The following CHD2 variants were observed in gnomAD, a reference collection of about 807,000 sequenced individuals.
CHD2 encodes ATP-dependent chromatin remodeler CHD2.
A neutral mutation model predicts 243.9 loss-of-function variants in CHD2; 28 were observed. The ratio of observed to expected loss-of-function variants is 0.11; its 90% CI spans 0.09 to 0.16. CHD2 has a LOEUF of 0.16. Ranked by LOEUF, CHD2 falls within the 10% of genes least tolerant of loss-of-function variation. The pLI is 1.00. For synonymous variants in CHD2, 775 were observed against 779.0 expected, an observed-to-expected ratio of 0.99 and a Z score of 0.09; for missense variants, 1,386 against 2,209.8, an observed-to-expected ratio of 0.63 and a Z score of 7.47.
At chr15:92,903,588 A>G (rs981312194) in intron 2 of CHD2, among the ~76,000 whole-genome samples, 105 of 152,204 alleles carry the variant, frequency 6.9e-4, no homozygotes, top group African/African-American at 2.5e-3. Flanking sequence ...ACGCGATTTT[A>G]AAAACATTTG....
Position 92,939,666 on chromosome 15 carries a change from G to A in CHD2, c.640G>A (p.Asp214Asn). 4 of 1,614,096 alleles carry A rather than the reference G, an allele frequency of 2.5e-6. No individual in the cohort carries two copies. The highest frequency in any genetic ancestry group is 3.4e-6 in the Non-Finnish European group (4 of 1,180,028). ...AGATTCTTCTGATGAGGATGATGAT[G>A]ATGACGAAGCTCCCAAAAGGCAGAC... is the stretch of plus-strand genomic sequence containing the variant. ...KQDSSDEDDD[D>N]DEAPKRQTRR... Residue 214 changes from aspartate to asparagine, a missense_variant, in exon 7 of 39, where the codon GAT (aspartate) becomes AAT (asparagine). This residue lies in a region of CHD2 where 90 missense variants were observed against 78.0 expected (regional missense o/e 1.15). Transcript: ENST00000394196.
intron 19 of CHD2, among the ~76,000 whole-genome samples, chr15:92,973,388 G>A (rs1295774351): frequency 6.6e-6 from 1 of 151,956 alleles, no homozygotes; most frequent in African/African-American, 2.4e-5. Context: ...TTGTCTCTTG[G>A]CATGTTTATA....
At chr15:92,974,483 C>T (rs2053882078) in intron 19 of CHD2, among the ~76,000 whole-genome samples, 1 of 152,164 alleles carries the variant, frequency 6.6e-6, no homozygotes, top group Non-Finnish European at 1.5e-5. Context: ...AGCTAAGAAG[C>T]ATCATTTTTC....
intron 2 of CHD2, among the ~76,000 whole-genome samples, chr15:92,920,772 A>G (rs1200421545): frequency 6.6e-6 from 1 of 152,226 alleles, no homozygotes; most frequent in East Asian, 1.9e-4. Context: ...GAAAAACTAA[A>G]TACGTTATTT....
chr15:92,956,378 A>C (rs1202542905), intron 15 of CHD2, 81 bp from the exon 16 acceptor site: 1 of 966,250 alleles, frequency 1.0e-6, no homozygotes, highest in African/African-American at 1.6e-5. Context: ...AATGGTATTT[A>C]TACAGAGATA....
At chr15:92,906,025 G>T (rs1173944362) in intron 2 of CHD2, among the ~76,000 whole-genome samples, 1 of 152,144 alleles carries the variant, frequency 6.6e-6, no homozygotes, top group Non-Finnish European at 1.5e-5. Flanking sequence ...AAGAGGATAT[G>T]AACTATTCTG....
At chr15:92,929,416 G>T (rs114601741) in intron 5 of CHD2, among the ~76,000 whole-genome samples, 1 of 152,128 alleles carries the variant, frequency 6.6e-6, no homozygotes, top group African/African-American at 2.4e-5. Flanking sequence ...AAGTACACAG[G>T]TATTTGGTAT....
At position 92,989,310 on chromosome 15, in the gene CHD2, G is replaced by GC. The variant is rs1375738641; in HGVS notation, c.3414-2165dup. ...GCCTCCCAAAGTGCTCGGATTACAG[G>GC]CGTGAGCCACCATGCCCAGCTTACT... On this transcript the variant is annotated intron_variant, in intron 26 of 38. Transcript: ENST00000394196. Among the ~76,000 whole-genome samples the GC allele has an allele frequency of 3.3e-5, 5 of 152,132 alleles. No individual in the cohort carries two copies. The East Asian group carries it at 9.6e-4, about 29-fold the overall frequency.
At chr15:92,921,756 C>T (rs1417463391) in intron 2 of CHD2, among the ~76,000 whole-genome samples, 3 of 152,168 alleles carry the variant, frequency 2.0e-5, no homozygotes, top group African/African-American at 4.8e-5. Context: ...TCATAGCTGC[C>T]ATTAGATGTT....
At chr15:93,000,013 C>A (rs548278505) in intron 31 of CHD2, among the ~76,000 whole-genome samples, 1 of 152,150 alleles carries the variant, frequency 6.6e-6, no homozygotes, top group Non-Finnish European at 1.5e-5. Context: ...AATCCCAGCA[C>A]TTTGGGAGGC....
chr15:92,904,588 G>A (rs2052585322), intron 2 of CHD2: 2 of 1,066,314 alleles, frequency 1.9e-6, no homozygotes, highest in Non-Finnish European at 2.3e-6. Flanking sequence ...TGCCTGTAGC[G>A]GTCCGCACCC....
At chr15:93,010,011 ATCT>A (rs1236662708) in intron 35 of CHD2, among the ~76,000 whole-genome samples, 1 of 152,176 alleles carries the variant, frequency 6.6e-6, no homozygotes, top group African/African-American at 2.4e-5. Flanking sequence ...CCAGTGTGTC[ATCT>A]TCTATCCCTC....
chr15:92,959,800 T>C (rs1187166358), intron 16 of CHD2, among the ~76,000 whole-genome samples: 1 of 152,228 alleles, frequency 6.6e-6, no homozygotes, highest in African/African-American at 2.4e-5. Flanking sequence ...CCTAGACTGC[T>C]TTTTAAAAAT....
At chr15:93,005,353 G>A (rs1266932591) in intron 34 of CHD2, among the ~76,000 whole-genome samples, 4 of 152,086 alleles carry the variant, frequency 2.6e-5, no homozygotes, top group African/African-American at 9.7e-5. Context: ...GATGGGGAGC[G>A]AGTGCATGGA....
intron 28 of CHD2, 181 bp downstream of exon 28, chr15:92,993,179 A>G: frequency 1.7e-6 from 1 of 581,546 alleles, no homozygotes; most frequent in African/African-American, 1.9e-5. Context: ...CTACTCACAA[A>G]TGAAGTTGAT....
At chr15:92,913,290 C>T (rs1280245146) in intron 2 of CHD2, among the ~76,000 whole-genome samples, 1 of 152,172 alleles carries the variant, frequency 6.6e-6, no homozygotes, top group African/African-American at 2.4e-5. Context: ...GTGTCTGAGC[C>T]TGTTTCTTCA....
intron 2 of CHD2, among the ~76,000 whole-genome samples, chr15:92,904,231 A>T (rs2052574010): frequency 6.6e-6 from 1 of 152,220 alleles, no homozygotes; most frequent in Non-Finnish European, 1.5e-5. Flanking sequence ...GCTGACAGAC[A>T]TACTGCATTG....
At chr15:92,994,379 T>C (rs1212846693) in intron 28 of CHD2, among the ~76,000 whole-genome samples, 2 of 152,076 alleles carry the variant, frequency 1.3e-5, no homozygotes, top group African/African-American at 2.4e-5. Context: ...TCTTTTTTTC[T>C]TTTTAAGATT....
intron 8 of CHD2, 85 bp downstream of exon 8, chr15:92,942,040 T>A: frequency 7.6e-7 from 1 of 1,316,518 alleles, no homozygotes. Flanking sequence ...ATGTGATGAA[T>A]TTTAGTCTAC....
Sources: gnomAD v4.1 joint callset for allele counts (sites outside exome capture counted in the v4.1 genomes callset) on GRCh38, gnomAD v4.1.1 for gene constraint, gnomAD v4.1.1 regional missense constraint, MANE v1.5 for transcripts, NCBI Gene and HGNC (gene_info 2026-07-23, HGNC 2026-07-21) for gene names.